USP34: variants seen among roughly 807,000 people sequenced by gnomAD.
USP34 encodes ubiquitin specific peptidase 34, also known as ubiquitin carboxyl-terminal hydrolase 34.
USP34 carries 70 observed loss-of-function variants against 460.3 expected under a neutral mutation model. The ratio of observed to expected loss-of-function variants is 0.15; its 90% CI spans 0.13 to 0.19. The LOEUF (loss-of-function observed/expected upper bound fraction) is 0.19, where lower values mean the gene tolerates loss of function less well. Among genes scored for constraint, USP34 ranks in the 10% least tolerant of loss-of-function variants. USP34 has a pLI of 1.00. For missense variants in USP34, 3,985 were observed against 4,236.2 expected, an observed-to-expected ratio of 0.94 and a Z score of 1.65; for synonymous variants, 1,647 against 1,405.3, an observed-to-expected ratio of 1.17 and a Z score of -3.85.
intron 21 of USP34, among the ~76,000 whole-genome samples, chr2:61,323,711 T>A (rs1275133161): frequency 2.0e-5 from 3 of 152,156 alleles, no homozygotes; most frequent in Non-Finnish European, 4.4e-5. Flanking sequence ...TCTCAGAGAA[T>A]CTATACTGTG....
chr2:61,431,291 C>T (rs1159515013), intron 1 of USP34, among the ~76,000 whole-genome samples: 1 of 151,620 alleles, frequency 6.6e-6, no homozygotes, highest in Admixed American at 6.6e-5. Flanking sequence ...GGCACAATCA[C>T]AGCTTACTGC....
chr2:61,316,371 G>T (rs1387660530), intron 23 of USP34, among the ~76,000 whole-genome samples: 1 of 146,260 alleles, frequency 6.8e-6, no homozygotes, highest in Non-Finnish European at 1.5e-5. Context: ...GAAAACTTGA[G>T]GTCAGGAGTT....
chr2:61,285,089 A>G, intron 34 of USP34, 132 bp from the exon 35 acceptor site: 1 of 620,034 alleles, frequency 1.6e-6, no homozygotes, highest in East Asian at 2.8e-5. Context: ...TTATTTTGAT[A>G]TTTATCTATA....
intron 43 of USP34, among the ~76,000 whole-genome samples, chr2:61,263,711 T>C (rs1024223145): frequency 6.6e-6 from 1 of 151,096 alleles, no homozygotes; most frequent in African/African-American, 2.4e-5. Context: ...CTTGATCTCC[T>C]AACCTCGTGA....
chr2:61,243,837 C>T (rs1358893949), intron 51 of USP34, among the ~76,000 whole-genome samples: 1 of 150,822 alleles, frequency 6.6e-6, no homozygotes, highest in Non-Finnish European at 1.5e-5. Context: ...GCCACTGTAC[C>T]CCAGCTTGGT....
Position 61,248,682 on chromosome 2 carries a change from C to A in USP34, c.6223G>T (p.Ala2075Ser). ...CGKKVRAEKR[A>S]CFKKLPRILS... is the part of the protein sequence containing the mutation. Reference sequence around the variant, plus strand: ...ATGCGAGGCAATTTCTTAAAACATGCCCTGAGAGACAAGAAAAAAATTAAT... The same window carrying A: ...ATGCGAGGCAATTTCTTAAAACATGACCTGAGAGACAAGAAAAAAATTAAT... Residue 2075 changes from alanine (A) to serine (S), a missense_variant and splice_region_variant, in exon 49 of 80, where the codon GCA becomes TCA. Coordinates refer to ENST00000398571, the MANE Select transcript of USP34 (RefSeq NM_014709.4). The A allele has an allele frequency of 6.5e-7, 1 of 1,543,440 alleles. No individual in the cohort carries two copies. The highest frequency in any genetic ancestry group is 8.8e-7 in the Non-Finnish European group (1 of 1,142,854).
chr2:61,315,089 T>G, intron 23 of USP34, 115 bp from the exon 24 acceptor site: 1 of 674,014 alleles, frequency 1.5e-6, no homozygotes, highest in Non-Finnish European at 2.4e-6. Flanking sequence ...AGCTATTAAA[T>G]AATAAAAATA....
Position 61,337,889 on chromosome 2 carries a change from G to A in USP34, c.2744+1462C>T, listed in dbSNP as rs149705240. Among the ~76,000 whole-genome samples the A allele has an allele frequency of 4.6e-5, 7 of 152,264 alleles. No individual in the cohort carries two copies. In the East Asian group the frequency reaches 5.8e-4, roughly 13 times the overall value. On this transcript the variant is annotated intron_variant, in intron 18 of 79. Transcript: ENST00000398571. ...GGGTATGCAGATGCACATATGGAGAGTACAAATTATTGAACCACTTATTAA... is the reference window on the plus strand; with the variant it reads ...GGGTATGCAGATGCACATATGGAGAATACAAATTATTGAACCACTTATTAA...
At chr2:61,414,363 C>T (rs903902958) in intron 2 of USP34, among the ~76,000 whole-genome samples, 2 of 152,004 alleles carry the variant, frequency 1.3e-5, no homozygotes, top group African/African-American at 2.4e-5. Context: ...TACAACTGAT[C>T]AATACTTCTG....
chr2:61,385,409 CGGTGGCTCACATCTCACTTT>C (rs1198107651), intron 5 of USP34, among the ~76,000 whole-genome samples: 1 of 151,906 alleles, frequency 6.6e-6, no homozygotes. Flanking sequence ...AGGCCAGGCG[CGGTGGCTCACATCTCACTTT>C]GGGAGGCCGA....
chr2:61,299,212 A>C (rs60804009), intron 29 of USP34, among the ~76,000 whole-genome samples: 1 of 152,284 alleles, frequency 6.6e-6, no homozygotes, highest in East Asian at 1.9e-4. Flanking sequence ...CAAACACATC[A>C]TGGAAACGGG....
At chr2:61,346,527 TAAAA>T (rs926076478) in intron 15 of USP34, among the ~76,000 whole-genome samples, 89 of 44,254 alleles carry the variant, frequency 2.0e-3, no homozygotes, top group African/African-American at 8.4e-3. Flanking sequence ...CCCTATCTCT[TAAAA>T]AAAAAAAAAA....
chr2:61,410,608 C>T (rs1447004970), intron 2 of USP34, among the ~76,000 whole-genome samples: 1 of 152,050 alleles, frequency 6.6e-6, no homozygotes, highest in Non-Finnish European at 1.5e-5. Context: ...TCAAAACCAG[C>T]TTGAATTTTT....
intron 10 of USP34, among the ~76,000 whole-genome samples, chr2:61,360,986 T>C (rs1692259752): frequency 1.3e-5 from 2 of 152,056 alleles, no homozygotes; most frequent in Admixed American, 6.5e-5. Context: ...CTTACAAAAA[T>C]AGAAAAAACA....
intron 75 of USP34, among the ~76,000 whole-genome samples, chr2:61,196,281 G>A (rs1327894851): frequency 3.4e-5 from 5 of 148,560 alleles, no homozygotes; most frequent in African/African-American, 7.5e-5. Flanking sequence ...TAGTAGAGAC[G>A]GGGTTTCACT....
At position 61,220,006 on chromosome 2, in the gene USP34, C is replaced by T. The variant is rs373390203; in HGVS notation, c.8047+304G>A. Among the ~76,000 whole-genome samples, 450 of 151,918 alleles carry T rather than the reference C, an allele frequency of 3.0e-3. 1 individual carries two copies. The highest frequency in any genetic ancestry group is 9.8e-3 in the African/African-American group (407 of 41,476). On this transcript the variant is annotated intron_variant, in intron 67 of 79. Transcript: ENST00000398571. ...TTATTACCATTTTATCCTTAACCTT[C>T]TCAAAAGTTACTTTTAAGACAGGAT...
At chr2:61,452,220 T>G (rs1695301633) in intron 1 of USP34, among the ~76,000 whole-genome samples, 1 of 151,336 alleles carries the variant, frequency 6.6e-6, no homozygotes, top group South Asian at 2.1e-4. Context: ...GTATCTAATC[T>G]TGAGTGGGAA....
chr2:61,208,913 T>C lies in USP34; in HGVS notation c.8905A>G (p.Ile2969Val), dbSNP rs1265029609. 3 of 1,594,302 alleles carry C rather than the reference T, an allele frequency of 1.9e-6. No individual in the cohort carries two copies. In the South Asian group the frequency reaches 3.5e-5, roughly 18 times the overall value. ...AGAATATTTACCTCTGTCATTAGAA[T>C]CAATCCTCGATTAAATACAACAAGA... The part of the protein sequence containing the change: ...RLLVVFNRGL[I>V]LMTESFNTLH... The change falls in exon 70 of 80, where the codon ATT (isoleucine) becomes GTT (valine). Residue 2969 changes from isoleucine (I) to valine (V), a missense_variant. Physicochemically the swap from Ile to Val is conservative, Grantham distance 29. Transcript: ENST00000398571.
intron 16 of USP34, 68 bp from the exon 17 acceptor site, chr2:61,339,749 G>A: frequency 1.3e-6 from 1 of 780,762 alleles, no homozygotes; most frequent in African/African-American, 1.8e-5. Context: ...GCATTCATAT[G>A]GTTAGCAAAT....
Sources: gnomAD v4.1 joint callset for allele counts (sites outside exome capture counted in the v4.1 genomes callset) on GRCh38, gnomAD v4.1.1 for gene constraint, MANE v1.5 for transcripts, NCBI Gene and HGNC (gene_info 2026-07-23, HGNC 2026-07-21) for gene names.